Variants in BIRC6 observed in about 807,000 individuals in gnomAD.
BIRC6 encodes the protein dual E2 ubiquitin-conjugating enzyme/E3 ubiquitin-protein ligase BIRC6.
A neutral mutation model predicts 503.3 loss-of-function variants in BIRC6; 98 were observed. That is an observed-to-expected ratio of 0.19 (90% confidence interval 0.17 to 0.23). The LOEUF is 0.23. Among genes scored for constraint, BIRC6 ranks in the 10% least tolerant of loss-of-function variants. The pLI is 1.00. For synonymous variants in BIRC6, 2,240 were observed against 2,078.7 expected (o/e 1.08, Z -2.11); for missense variants, 5,360 against 5,806.0 (o/e 0.92, Z 2.50).
At chr2:32,543,931 A>T (rs1248221256) in intron 62 of BIRC6, among the ~76,000 whole-genome samples, 1 of 152,204 alleles carries the variant, frequency 6.6e-6, no homozygotes, top group Non-Finnish European at 1.5e-5. Flanking sequence ...ATGGAGAAAC[A>T]CACATGTGAG....
intron 66 of BIRC6, among the ~76,000 whole-genome samples, chr2:32,578,670 C>T (rs2060430029): frequency 6.6e-6 from 1 of 151,864 alleles, no homozygotes; most frequent in Non-Finnish European, 1.5e-5. Flanking sequence ...GTGGCACATA[C>T]CTGTAATCCC....
chr2:32,420,756 C>A (rs1348040928), intron 10 of BIRC6, among the ~76,000 whole-genome samples: 1 of 152,120 alleles, frequency 6.6e-6, no homozygotes, highest in Non-Finnish European at 1.5e-5. Context: ...AAGTGATTCA[C>A]CTGCATTGGC....
chr2:32,378,170 G>C (rs1053152952), intron 2 of BIRC6, among the ~76,000 whole-genome samples: 6 of 152,160 alleles, frequency 3.9e-5, no homozygotes, highest in Non-Finnish European at 7.3e-5. Context: ...CACAGGGAAA[G>C]AGAGGGCAAG....
intron 8 of BIRC6, among the ~76,000 whole-genome samples, chr2:32,402,121 AC>A (rs58534020): frequency 0.06 from 9,069 of 152,288 alleles, 433 homozygotes; most frequent in Admixed American, 0.14. Context: ...GAGTTGAGAT[AC>A]CATAATTATT....
intron 66 of BIRC6, among the ~76,000 whole-genome samples, chr2:32,580,532 A>T (rs2151145222): frequency 6.6e-6 from 1 of 152,298 alleles, no homozygotes; most frequent in East Asian, 1.9e-4. Context: ...CTGGAGAGGA[A>T]ATCAGGGGCT....
chr2:32,452,047 G>C (rs554695631), intron 22 of BIRC6, among the ~76,000 whole-genome samples: 2 of 152,276 alleles, frequency 1.3e-5, no homozygotes, highest in South Asian at 4.1e-4. Flanking sequence ...AAGTTCATTG[G>C]TAAGATTTCA....
At chr2:32,438,437 A>G (rs1358780225) in intron 15 of BIRC6, among the ~76,000 whole-genome samples, 1 of 152,146 alleles carries the variant, frequency 6.6e-6, no homozygotes, top group Admixed American at 6.6e-5. Context: ...ATAGACTGAT[A>G]GTTTGCTGGC....
intron 65 of BIRC6, among the ~76,000 whole-genome samples, chr2:32,550,711 CT>C (rs1322213782): frequency 6.6e-6 from 1 of 151,954 alleles, no homozygotes; most frequent in African/African-American, 2.4e-5. Flanking sequence ...AATTGACTCT[CT>C]TATAACACTG....
At chr2:32,366,155 G>A (rs552485621) in intron 1 of BIRC6, among the ~76,000 whole-genome samples, 4 of 152,336 alleles carry the variant, frequency 2.6e-5, no homozygotes, top group African/African-American at 9.6e-5. Context: ...ACAGGCATGA[G>A]CCACCATGCC....
chr2:32,554,189 C>T (rs1160606843), intron 65 of BIRC6, among the ~76,000 whole-genome samples: 1 of 152,166 alleles, frequency 6.6e-6, no homozygotes, highest in African/African-American at 2.4e-5. Context: ...AGTCTCAGCA[C>T]ACATTAAATT....
chr2:32,375,555 G>A (rs2036623578), intron 1 of BIRC6, among the ~76,000 whole-genome samples: 2 of 151,736 alleles, frequency 1.3e-5, no homozygotes, highest in African/African-American at 4.8e-5. Flanking sequence ...CCAAAGTGCT[G>A]AGATTACAGG....
intron 15 of BIRC6, 84 bp downstream of exon 15, chr2:32,436,268 A>C: frequency 8.4e-7 from 1 of 1,191,638 alleles, no homozygotes; most frequent in Non-Finnish European, 1.1e-6. Flanking sequence ...CAAAAAAAAT[A>C]AGATTGTTTT....
Position 32,469,439 on chromosome 2 carries a change from G to A in BIRC6, c.6172G>A (p.Ala2058Thr), listed in dbSNP as rs2048896526. The change falls in exon 30 of 74, where the codon GCC (alanine) becomes ACC (threonine). Residue 2058 changes from alanine (A) to threonine (T), a missense_variant. Ala to Thr is a moderately conservative substitution (Grantham distance 58). Coordinates refer to ENST00000421745, the MANE Select transcript of BIRC6 (RefSeq NM_016252.4). ...TTTGCAGAGCACATTTCATGCCCAGGCCTGTGAAGAGCTCTTTAAACACTT... is the reference window on the plus strand; with the variant it reads ...TTTGCAGAGCACATTTCATGCCCAGACCTGTGAAGAGCTCTTTAAACACTT... Reference protein sequence around the residue: ...AVLQSTFHAQACEELFKHLCI... With the variant: ...AVLQSTFHAQTCEELFKHLCI... 1.2e-6 allele frequency: 2 copies of A among 1,613,742 alleles called. No homozygotes were observed. Among genetic ancestry groups the A allele is most frequent in the Non-Finnish European group, 1.7e-6 (2 of 1,179,820 alleles).
chr2:32,578,077 T>C (rs777671244), intron 66 of BIRC6, among the ~76,000 whole-genome samples: 17 of 152,206 alleles, frequency 1.1e-4, no homozygotes, highest in Non-Finnish European at 2.4e-4. Context: ...GTTGAAACCC[T>C]CATGGTCTCT....
chr2:32,420,051 A>G (rs2042773589), intron 10 of BIRC6, among the ~76,000 whole-genome samples: 1 of 152,210 alleles, frequency 6.6e-6, no homozygotes, highest in African/African-American at 2.4e-5. Flanking sequence ...GATAAAACCC[A>G]TTTGGTCATA....
chr2:32,519,207 C>A, intron 57 of BIRC6: 2 of 341,110 alleles, frequency 5.9e-6, no homozygotes, highest in Non-Finnish European at 5.5e-6. Flanking sequence ...TAATTGATGG[C>A]ATGTTCTCAC....
Position 32,502,763 on chromosome 2 carries a change from T to G in BIRC6, c.9208-32T>G, listed in dbSNP as rs755218622. 3 of 1,510,744 alleles carry G rather than the reference T, an allele frequency of 2.0e-6. No homozygotes were observed. In the African/African-American group the frequency reaches 4.2e-5, roughly 21 times the overall value. 93.6% of individuals were successfully genotyped at this position (1,510,744 alleles called of 1,614,324 possible). ...TTTAGTTCTTATTCACAGGAATATA[T>G]AAAGTCATAATATGCATATTTCATT... On this transcript the variant is annotated intron_variant, in intron 47 of 73. Coordinates refer to ENST00000421745, the MANE Select transcript of BIRC6 (RefSeq NM_016252.4).
At chr2:32,577,874 C>G (rs1168819033) in intron 66 of BIRC6, among the ~76,000 whole-genome samples, 1 of 152,028 alleles carries the variant, frequency 6.6e-6, no homozygotes, top group East Asian at 1.9e-4. Context: ...ATTCTTCAGC[C>G]AGAGAACATT....
rs770971755 is a variant in BIRC6 at position 32,502,806 on chromosome 2, T to C, written c.9219T>C (p.Ala3073=). ...ATTTCATTTTTTAGGGCTCTCTTGC[T>C]ACTTGCCAGTTATCTGAGCCATTAT... ...CGYMGRQGSL[A]TCQLSEPLLW... is the part of the protein sequence containing the mutation. Residue 3073 remains alanine, a synonymous_variant, in exon 48 of 74, where the codon GCT becomes GCC. Transcript: ENST00000421745. 6.2e-7 allele frequency: 1 copy of C among 1,611,734 alleles called. No homozygotes were observed. Among genetic ancestry groups the C allele is most frequent in the Non-Finnish European group, 8.5e-7 (1 of 1,179,082 alleles).
Sources: gnomAD v4.1 joint callset for allele counts (sites outside exome capture counted in the v4.1 genomes callset) on GRCh38, gnomAD v4.1.1 for gene constraint, MANE v1.5 for transcripts, NCBI Gene and HGNC (gene_info 2026-07-23, HGNC 2026-07-21) for gene names.